RBM33: variants seen among roughly 807,000 people sequenced by gnomAD.
The protein encoded by RBM33 is RNA-binding protein 33.
In RBM33, 28 loss-of-function variants were observed where a neutral mutation model predicts 132.6. The ratio of observed to expected loss-of-function variants is 0.21; its 90% CI spans 0.16 to 0.29. The LOEUF (loss-of-function observed/expected upper bound fraction) is 0.29, where lower values mean the gene tolerates loss of function less well. RBM33 is among the 10% of genes least tolerant of loss of function. The pLI, the probability that RBM33 is intolerant of heterozygous loss-of-function variation, is 1.00. For synonymous variants in RBM33, 634 were observed against 593.0 expected (o/e 1.07, Z -1.01); for missense variants, 1,291 against 1,518.5 (o/e 0.85, Z 2.49).
chr7:155,682,356 T>G (rs753207843), intron 5 of RBM33, among the ~76,000 whole-genome samples: 4 of 152,228 alleles, frequency 2.6e-5, no homozygotes, highest in African/African-American at 4.8e-5. Flanking sequence ...TCCATAACCC[T>G]GTAATAATTT....
At chr7:155,736,073 A>G (rs1007019727) in intron 9 of RBM33, among the ~76,000 whole-genome samples, 1 of 152,224 alleles carries the variant, frequency 6.6e-6, no homozygotes, top group Admixed American at 6.5e-5. Context: ...TGTGTTAAAC[A>G]TTTCTTTATT....
intron 14 of RBM33, among the ~76,000 whole-genome samples, chr7:155,763,508 T>C (rs954767651): frequency 2.6e-5 from 4 of 152,274 alleles, no homozygotes; most frequent in African/African-American, 7.2e-5. Context: ...ATGAAGTATT[T>C]TGAAAATAAC....
chr7:155,665,603 C>T (rs985246904), intron 2 of RBM33, among the ~76,000 whole-genome samples: 2 of 152,226 alleles, frequency 1.3e-5, no homozygotes, highest in African/African-American at 4.8e-5. Flanking sequence ...TATCTGGCTA[C>T]ACTTTAACGT....
intron 15 of RBM33, 71 bp downstream of exon 15, chr7:155,764,089 C>G: frequency 8.1e-7 from 1 of 1,241,540 alleles, no homozygotes; most frequent in Non-Finnish European, 1.1e-6. Flanking sequence ...CAGACGTGCT[C>G]TAATTTGTAG....
chr7:155,675,934 A>G (rs1199051324), intron 3 of RBM33, among the ~76,000 whole-genome samples: 1 of 152,170 alleles, frequency 6.6e-6, no homozygotes, highest in Non-Finnish European at 1.5e-5. Flanking sequence ...ATAGATGAAA[A>G]ATGATTTCTG....
At position 155,778,474 on chromosome 7, in the gene RBM33, G is replaced by A. The variant is rs932538128; in HGVS notation, c.*3433G>A. On this transcript the variant is annotated 3_prime_UTR_variant, in exon 18 of 18. Transcript: ENST00000401878. The surrounding 1 kb of genome is among the most constrained non-coding windows in gnomAD (Gnocchi z 4.0). The stretch of plus-strand genomic sequence containing the variant: ...GGGGATTGGGGAAGCTGTCATCTCA[G>A]TGTTAATAATCAACTTGCTTCTAAC... 1 of 152,336 alleles carries A rather than the reference G, an allele frequency of 6.6e-6. No homozygotes were observed. Among genetic ancestry groups the A allele is most frequent in the African/African-American group, 2.4e-5 (1 of 41,466 alleles). The allele number at this position is 152,336 out of a possible 1,614,324, so 9.4% of individuals were successfully genotyped here. A position where few individuals can be genotyped will look rare whatever the true frequency, so the allele number is the denominator to read the frequency against.
intron 8 of RBM33, among the ~76,000 whole-genome samples, chr7:155,714,208 A>G (rs1380861743): frequency 3.3e-5 from 5 of 152,162 alleles, no homozygotes; most frequent in African/African-American, 1.2e-4. Flanking sequence ...TGGAATAGGC[A>G]GGCAGTTGGG....
intron 14 of RBM33, among the ~76,000 whole-genome samples, chr7:155,760,382 T>C (rs1024752924): frequency 6.6e-6 from 1 of 152,010 alleles, no homozygotes; most frequent in Non-Finnish European, 1.5e-5. Flanking sequence ...AGGGTAGAAG[T>C]TGGAGAATCA....
At position 155,718,461 on chromosome 7, in the gene RBM33, C is replaced by T. The variant is rs778361246; in HGVS notation, c.1260+18C>T. On this transcript the variant is annotated intron_variant, in intron 9 of 17. Coordinates refer to ENST00000401878, the MANE Select transcript of RBM33 (RefSeq NM_053043.3). ...GATTCCCAGTGAGTAGCAGCTGCTC[C>T]TTCTCCTTTGATAGGGATGAGCATA... The T allele has an allele frequency of 6.2e-7, 1 of 1,608,528 alleles. No individual in the cohort carries two copies. The highest frequency in any genetic ancestry group is 1.1e-5 in the South Asian group (1 of 90,922).
At chr7:155,648,443 A>G (rs949535736) in intron 1 of RBM33, among the ~76,000 whole-genome samples, 1 of 152,212 alleles carries the variant, frequency 6.6e-6, no homozygotes, top group Non-Finnish European at 1.5e-5. Flanking sequence ...AGTATGTAGT[A>G]AGGCAGGAAA....
At chr7:155,702,858 C>T (rs532584370) in intron 6 of RBM33, among the ~76,000 whole-genome samples, 71 of 152,334 alleles carry the variant, frequency 4.7e-4, no homozygotes, top group African/African-American at 1.6e-3. Context: ...AAAGCATAGT[C>T]ACTGAGAACT....
chr7:155,737,214 G>A (rs116604641), intron 9 of RBM33, among the ~76,000 whole-genome samples: 83 of 151,918 alleles, frequency 5.5e-4, no homozygotes, highest in African/African-American at 1.9e-3. Context: ...ATACAGGCTA[G>A]GTGTGTAGAA....
chr7:155,729,769 A>C (rs1489357428), intron 9 of RBM33, among the ~76,000 whole-genome samples: 1 of 151,454 alleles, frequency 6.6e-6, no homozygotes, highest in East Asian at 1.9e-4. Context: ...AAATTCTGTC[A>C]TACATGTAAG....
At chr7:155,662,764 G>C (rs1367756635) in intron 1 of RBM33, among the ~76,000 whole-genome samples, 1 of 152,040 alleles carries the variant, frequency 6.6e-6, no homozygotes, top group Non-Finnish European at 1.5e-5. Flanking sequence ...GAGCCCACAT[G>C]TCTCAGTAAC....
chr7:155,713,507 A>G (rs1429360474), intron 8 of RBM33, among the ~76,000 whole-genome samples: 1 of 151,952 alleles, frequency 6.6e-6, no homozygotes, highest in Non-Finnish European at 1.5e-5. Flanking sequence ...GAGCCTGGCA[A>G]AGGAGCCGAG....
In RBM33 at chr7:155,661,146, A is replaced by ATATATATATTTTTT. The variant is rs1421586760; in HGVS notation, c.44-4028_44-4027insATATATATTTTTTT. Among the ~76,000 whole-genome samples the ATATATATATTTTTT allele has an allele frequency of 1.9e-3, 153 of 81,138 alleles. 1 individual carries two copies. The highest frequency in any genetic ancestry group is 2.7e-3 in the Non-Finnish European group (106 of 39,046). 53.2% of individuals were successfully genotyped at this position (81,138 alleles called of 152,430 possible). A position where few individuals can be genotyped will look rare whatever the true frequency, so the allele number is the denominator to read the frequency against. On this transcript the variant is annotated intron_variant, in intron 1 of 17. Coordinates refer to ENST00000401878, the MANE Select transcript of RBM33 (RefSeq NM_053043.3). ...TGTGTGTGTGTATATATATATATAT[A>ATATATATATTTTTT]TTTTTTTTTTTTTGAGACAGAGTCT... is the stretch of plus-strand genomic sequence containing the variant.
intron 6 of RBM33, among the ~76,000 whole-genome samples, chr7:155,703,515 A>C (rs1800026388): frequency 6.6e-6 from 1 of 152,214 alleles, no homozygotes; most frequent in Non-Finnish European, 1.5e-5. Context: ...ACCATAGTTA[A>C]AAGTACCTTT....
intron 6 of RBM33, chr7:155,701,290 T>G: frequency 2.6e-6 from 1 of 390,042 alleles, no homozygotes; most frequent in Non-Finnish European, 4.5e-6. Context: ...AGGTTGACCC[T>G]TCCCAAGACC....
At chr7:155,699,064 A>C (rs1461404554) in intron 5 of RBM33, among the ~76,000 whole-genome samples, 2 of 152,200 alleles carry the variant, frequency 1.3e-5, no homozygotes, top group African/African-American at 2.4e-5. Flanking sequence ...TCTTAGATGG[A>C]GATTTGGATG....
Sources: allele counts gnomAD v4.1 joint callset (sites outside exome capture counted in the v4.1 genomes callset), GRCh38; gene constraint gnomAD v4.1.1; non-coding constraint Gnocchi (gnomAD v3.1); transcripts MANE v1.5; gene names NCBI Gene and HGNC (gene_info 2026-07-23, HGNC 2026-07-21).